PLEKHD1: variants seen among roughly 807,000 people sequenced by gnomAD.
The protein encoded by PLEKHD1 is pleckstrin homology domain-containing family D member 1.
PLEKHD1 carries 51 observed loss-of-function variants against 69.2 expected under a neutral mutation model. The observed-to-expected ratio is 0.74, with a 90% CI of 0.59 to 0.93. PLEKHD1 has a LOEUF of 0.93. Among genes scored for constraint, PLEKHD1 ranks in the 40% least tolerant of loss-of-function variants. PLEKHD1 has a pLI of 0.00. For missense variants in PLEKHD1, 584 were observed against 641.0 expected (o/e 0.91, Z 0.96); for synonymous variants, 236 against 244.7 (o/e 0.96, Z 0.33).
intron 6 of PLEKHD1, among the ~76,000 whole-genome samples, chr14:69,508,567 ACCATGCACGG>A (rs1186579752): frequency 6.6e-6 from 1 of 152,208 alleles, no homozygotes; most frequent in African/African-American, 2.4e-5. Flanking sequence ...GGCATGCACC[ACCATGCACGG>A]CTAATTTTTT....
chr14:69,521,184 G>A (rs947233221), intron 6 of PLEKHD1, among the ~76,000 whole-genome samples: 1 of 152,190 alleles, frequency 6.6e-6, no homozygotes, highest in Non-Finnish European at 1.5e-5. Context: ...GAGCAGTCTT[G>A]GTGGTGACAA....
intron 6 of PLEKHD1, among the ~76,000 whole-genome samples, chr14:69,519,709 G>A (rs1053947383): frequency 1.3e-5 from 2 of 152,194 alleles, no homozygotes; most frequent in African/African-American, 4.8e-5. Context: ...ACCCTCCCCC[G>A]TTTTCAACTA....
At chr14:69,490,396 GTA>G (rs1882751820) in intron 1 of PLEKHD1, among the ~76,000 whole-genome samples, 1 of 152,192 alleles carries the variant, frequency 6.6e-6, no homozygotes, top group African/African-American at 2.4e-5. Context: ...AGCTCAGGCG[GTA>G]ATGCCAGCCA....
rs1272627785 is a variant in PLEKHD1 at position 69,484,989 on chromosome 14, G to T, written c.24G>T (p.Ser8=). 6.4e-7 allele frequency: 1 copy of T among 1,551,196 alleles called. No individual in the cohort carries two copies. The highest frequency in any genetic ancestry group is 8.7e-7 in the Non-Finnish European group (1 of 1,146,868). Residue 8 remains serine, a synonymous_variant, in exon 1 of 13, where the codon TCG becomes TCT. Transcript: ENST00000322564. MFTSKSN[S]VSPSPSLEQA... ...GGATGTTCACGTCCAAGTCCAACTC[G>T]GTGTCGCCCTCGCCGTCCCTGGAGC...
chr14:69,521,517 C>A (rs1382418467), intron 6 of PLEKHD1, among the ~76,000 whole-genome samples: 2 of 152,174 alleles, frequency 1.3e-5, no homozygotes, highest in East Asian at 3.8e-4. Flanking sequence ...AAATAATATC[C>A]TCCCACAGTG....
At position 69,527,269 on chromosome 14, in the gene PLEKHD1, A is replaced by G; in HGVS notation, c.1138A>G (p.Asn380Asp). 6.4e-7 allele frequency: 1 copy of G among 1,551,814 alleles called. No individual in the cohort carries two copies. The highest frequency in any genetic ancestry group is 1.2e-5 in the South Asian group (1 of 84,058). ...GALRSLEQGL[N>D]SKVRNKEKEE... ...CTTGCGAAGCCTGGAACAGGGGCTGAATTCCAAGGTGCGGAATAAGGAGAA... is the reference window on the plus strand; with the variant it reads ...CTTGCGAAGCCTGGAACAGGGGCTGGATTCCAAGGTGCGGAATAAGGAGAA... Residue 380 changes from asparagine to aspartate, a missense_variant, in exon 11 of 13, where the codon AAT becomes GAT. Transcript: ENST00000322564.
the PLEKHD1 span, among the ~76,000 whole-genome samples, chr14:69,471,090 C>CTTTT: frequency 5.6e-4 from 25 of 44,754 alleles, 3 homozygotes; most frequent in African/African-American, 7.7e-4. Flanking sequence ...CGTGCCTGGC[C>CTTTT]TTTTTTTTTT....
intron 6 of PLEKHD1, among the ~76,000 whole-genome samples, chr14:69,508,378 C>T (rs1883198103): frequency 6.6e-6 from 1 of 151,676 alleles, no homozygotes; most frequent in South Asian, 2.1e-4. Flanking sequence ...AGCACTACAG[C>T]CTGGGTGACA....
At chr14:69,491,567 T>C (rs985806123) in intron 1 of PLEKHD1, among the ~76,000 whole-genome samples, 1 of 152,222 alleles carries the variant, frequency 6.6e-6, no homozygotes, top group African/African-American at 2.4e-5. Flanking sequence ...GGCATTCGCA[T>C]CTCCAAACAT....
rs1439948888 is a variant in PLEKHD1, at chr14:69,500,059, A to C, written c.150-56A>C. ...CCCCCAAGGGTGCTCTTGTTGTCCC[A>C]AGAAACCTCACCCCTTCTCTCCTGG... On this transcript the variant is annotated intron_variant, in intron 1 of 12. Coordinates refer to ENST00000322564, the MANE Select transcript of PLEKHD1 (RefSeq NM_001161498.2). 3 of 1,311,966 alleles carry C rather than the reference A, an allele frequency of 2.3e-6. No individual in the cohort carries two copies. The African/African-American group carries it at 4.4e-5, about 19-fold the overall frequency. The allele number at this position is 1,311,966 out of a possible 1,614,324, so 81.3% of individuals were successfully genotyped here.
intron 6 of PLEKHD1, among the ~76,000 whole-genome samples, chr14:69,521,244 G>C (rs1883508047): frequency 6.6e-6 from 1 of 152,234 alleles, no homozygotes; most frequent in Non-Finnish European, 1.5e-5. Flanking sequence ...CATGCCCAAA[G>C]TGCCAGTAAT....
chr14:69,481,221 G>C (rs1282919423), upstream of PLEKHD1, among the ~76,000 whole-genome samples: 1 of 152,164 alleles, frequency 6.6e-6, no homozygotes, highest in Non-Finnish European at 1.5e-5. Context: ...TACTCAGGAG[G>C]CTGAGATGGG....
At chr14:69,490,582 G>A (rs1356553411) in intron 1 of PLEKHD1, among the ~76,000 whole-genome samples, 2 of 152,170 alleles carry the variant, frequency 1.3e-5, no homozygotes, top group East Asian at 1.9e-4. Flanking sequence ...GGGGGACTAA[G>A]TTTTTTGAGC....
At chr14:69,471,544 G>A in the PLEKHD1 span, among the ~76,000 whole-genome samples, 4 of 152,308 alleles carry the variant, frequency 2.6e-5, no homozygotes, top group Non-Finnish European at 5.9e-5. Context: ...CAAACCAAGA[G>A]AGAGTAGCTC....
At chr14:69,493,091 GT>G in intron 1 of PLEKHD1, among the ~76,000 whole-genome samples, 1 of 152,276 alleles carries the variant, frequency 6.6e-6, no homozygotes. Context: ...TTAAAAGTAT[GT>G]TGGTTTCTAC....
At chr14:69,519,848 A>G (rs1883469404) in intron 6 of PLEKHD1, among the ~76,000 whole-genome samples, 1 of 152,196 alleles carries the variant, frequency 6.6e-6, no homozygotes, top group Admixed American at 6.5e-5. Context: ...GTGAAGCGGC[A>G]GAGGCCCCAG....
chr14:69,502,641 TG>T (rs61169181), intron 5 of PLEKHD1, 185 bp from the exon 6 acceptor site: 128,707 of 632,862 alleles, frequency 0.2, 14,021 homozygotes, highest in African/African-American at 0.31. Context: ...AGGATGATGA[TG>T]GGGGAAGGAG....
intron 6 of PLEKHD1, among the ~76,000 whole-genome samples, chr14:69,515,670 A>G (rs1883369270): frequency 6.6e-6 from 1 of 152,230 alleles, no homozygotes; most frequent in Non-Finnish European, 1.5e-5. Flanking sequence ...GACATGTCAC[A>G]TGACCAGAGC....
At position 69,521,984 on chromosome 14, in the gene PLEKHD1, T is replaced by A. The variant is rs17107050; in HGVS notation, c.556-299T>A. 4.0e-3 allele frequency among the ~76,000 whole-genome samples: 609 copies of A among 152,256 alleles called. 20 individuals carry two copies. The East Asian group carries it at 0.081, about 20-fold the overall frequency. On this transcript the variant is annotated intron_variant, in intron 6 of 12. Coordinates refer to ENST00000322564, the MANE Select transcript of PLEKHD1 (RefSeq NM_001161498.2). The stretch of plus-strand genomic sequence containing the variant: ...GACTGGAGCTGCCCTGCAGAGTAGA[T>A]ATTTAGAATTATAGTTTCCTCCAGC...
Sources: allele counts gnomAD v4.1 joint callset (sites outside exome capture counted in the v4.1 genomes callset), GRCh38; gene constraint gnomAD v4.1.1; transcripts MANE v1.5; gene names NCBI Gene and HGNC (gene_info 2026-07-23, HGNC 2026-07-21).